The following TAFA4 variants were observed in gnomAD, a reference collection of about 807,000 sequenced individuals.
The protein encoded by TAFA4 is TAFA chemokine like family member 4.
A neutral mutation model predicts 21.1 loss-of-function variants in TAFA4; 20 were observed. The ratio of observed to expected loss-of-function variants is 0.95; its 90% CI spans 0.67 to 1.38. The LOEUF is 1.38. TAFA4 is among the 40% of genes most tolerant of loss of function. The pLI is 0.00. For synonymous variants in TAFA4, 71 were observed against 67.4 expected, an observed-to-expected ratio of 1.05 and a Z score of -0.26; for missense variants, 211 against 180.9, an observed-to-expected ratio of 1.17 and a Z score of -0.95.
intron 3 of TAFA4, among the ~76,000 whole-genome samples, chr3:68,874,704 C>A (rs2089525956): frequency 6.6e-6 from 1 of 152,112 alleles, no homozygotes; most frequent in Non-Finnish European, 1.5e-5. Context: ...AAAAAGCCTA[C>A]TCTGCCAAGT....
chr3:68,764,882 G>A (rs1258791228), intron 3 of TAFA4, among the ~76,000 whole-genome samples: 1 of 152,140 alleles, frequency 6.6e-6, no homozygotes. Context: ...TTTGGAGGCA[G>A]TTGACAAGCA....
chr3:68,784,391 G>A (rs1703209776), intron 3 of TAFA4, among the ~76,000 whole-genome samples: 1 of 152,118 alleles, frequency 6.6e-6, no homozygotes, highest in South Asian at 2.1e-4. Context: ...TCCTTCTGAT[G>A]TTTGGATGTG....
At chr3:68,822,402 C>G (rs533926019) in intron 3 of TAFA4, among the ~76,000 whole-genome samples, 1 of 152,268 alleles carries the variant, frequency 6.6e-6, no homozygotes, top group East Asian at 1.9e-4. Flanking sequence ...CACTCCTGGA[C>G]AAGAAATTTG....
At chr3:68,881,875 C>T (rs1161120234) in intron 2 of TAFA4, among the ~76,000 whole-genome samples, 5 of 152,206 alleles carry the variant, frequency 3.3e-5, no homozygotes, top group Non-Finnish European at 7.3e-5. Flanking sequence ...CTAGCAGTGC[C>T]TCTACGAAAG....
intron 4 of TAFA4, among the ~76,000 whole-genome samples, chr3:68,741,355 A>G (rs1395458674): frequency 6.6e-6 from 1 of 152,056 alleles, no homozygotes; most frequent in Non-Finnish European, 1.5e-5. Context: ...TTGATTCTTA[A>G]GTGTTTTATA....
intron 3 of TAFA4, among the ~76,000 whole-genome samples, chr3:68,831,578 G>A (rs572295233): frequency 2.0e-5 from 3 of 152,100 alleles, no homozygotes; most frequent in Non-Finnish European, 4.4e-5. Flanking sequence ...GCTTCCCTTT[G>A]TGGGTAACCC....
chr3:68,869,638 A>G (rs533475116), intron 3 of TAFA4, among the ~76,000 whole-genome samples: 10 of 152,270 alleles, frequency 6.6e-5, no homozygotes, highest in Admixed American at 2.0e-4. Context: ...AGATGTTTTA[A>G]AAGGATTCAA....
At chr3:68,854,064 T>C (rs1705008381) in intron 3 of TAFA4, among the ~76,000 whole-genome samples, 1 of 152,114 alleles carries the variant, frequency 6.6e-6, no homozygotes, top group South Asian at 2.1e-4. Context: ...TATAATAGGA[T>C]GTCATATAAT....
intron 2 of TAFA4, among the ~76,000 whole-genome samples, chr3:68,883,292 A>G (rs2089637392): frequency 6.6e-6 from 1 of 152,212 alleles, no homozygotes; most frequent in Non-Finnish European, 1.5e-5. Flanking sequence ...ACTGCTCTCA[A>G]GCCCTTCATG....
At chr3:68,924,456 G>A (rs1166924469) in intron 1 of TAFA4, among the ~76,000 whole-genome samples, 1 of 152,140 alleles carries the variant, frequency 6.6e-6, no homozygotes, top group Non-Finnish European at 1.5e-5. Context: ...GAAGTAGAAA[G>A]GTGGCTGTCA....
chr3:68,910,983 T>C (rs895776982), intron 1 of TAFA4, among the ~76,000 whole-genome samples: 18 of 152,228 alleles, frequency 1.2e-4, no homozygotes, highest in African/African-American at 4.1e-4. Context: ...ATGATAGATT[T>C]TGCCTGAAAT....
chr3:68,818,399 A>T (rs1271273041), intron 3 of TAFA4, among the ~76,000 whole-genome samples: 1 of 152,206 alleles, frequency 6.6e-6, no homozygotes, highest in Admixed American at 6.5e-5. Context: ...GAAATCATTC[A>T]TGTGTTCACT....
intron 3 of TAFA4, among the ~76,000 whole-genome samples, chr3:68,767,152 C>T (rs922038266): frequency 2.0e-5 from 3 of 152,060 alleles, no homozygotes; most frequent in Non-Finnish European, 2.9e-5. Context: ...TTTTAGTGCA[C>T]CTGTCACCCA....
rs1170421042 is a variant in TAFA4 at position 68,799,850 on chromosome 3, G to C, written c.131-46832C>G. 2.6e-5 allele frequency among the ~76,000 whole-genome samples: 4 copies of C among 152,120 alleles called. No homozygotes were observed. The East Asian group carries it at 7.7e-4, about 29-fold the overall frequency. ...AGTAAGTGGCCAGTGAGTTAGCAAA[G>C]CTTCATCTGTATTTACAGCCGCTCC... is the stretch of plus-strand genomic sequence containing the variant. On this transcript the variant is annotated intron_variant, in intron 3 of 5. Coordinates refer to ENST00000295569, the MANE Select transcript of TAFA4 (RefSeq NM_182522.5).
At chr3:68,812,060 T>C (rs1233613141) in intron 3 of TAFA4, among the ~76,000 whole-genome samples, 2 of 152,208 alleles carry the variant, frequency 1.3e-5, no homozygotes, top group Non-Finnish European at 2.9e-5. Context: ...CAGAATTTCA[T>C]ATCCAGCCAA....
chr3:68,753,646 T>C (rs931983220), intron 3 of TAFA4, among the ~76,000 whole-genome samples: 2 of 152,024 alleles, frequency 1.3e-5, no homozygotes, highest in African/African-American at 2.4e-5. Context: ...AACTGGTTGA[T>C]TTTAAGAGAG....
intron 3 of TAFA4, among the ~76,000 whole-genome samples, chr3:68,828,216 G>A (rs964616209): frequency 6.6e-6 from 1 of 152,158 alleles, no homozygotes; most frequent in Admixed American, 6.5e-5. Flanking sequence ...TGAGGCCTCT[G>A]TTCTGTTCCA....
intron 4 of TAFA4, among the ~76,000 whole-genome samples, chr3:68,744,842 G>T (rs1054770375): frequency 1.3e-5 from 2 of 152,164 alleles, no homozygotes; most frequent in Admixed American, 1.3e-4. Context: ...CGTTTAATTG[G>T]AAAATATGGA....
intron 2 of TAFA4, among the ~76,000 whole-genome samples, chr3:68,883,752 T>A (rs902155324): frequency 6.7e-6 from 1 of 150,030 alleles, no homozygotes; most frequent in Admixed American, 6.6e-5. Flanking sequence ...CGTATGGGAC[T>A]TTTTTTTATT....
Sources: gnomAD v4.1 joint callset for allele counts (sites outside exome capture counted in the v4.1 genomes callset) on GRCh38, gnomAD v4.1.1 for gene constraint, MANE v1.5 for transcripts, NCBI Gene and HGNC (gene_info 2026-07-23, HGNC 2026-07-21) for gene names.